The following PLEKHD1 variants were observed in gnomAD, a reference collection of about 807,000 sequenced individuals.
PLEKHD1 encodes pleckstrin homology and coiled-coil domain containing D1, also known as pleckstrin homology domain-containing family D member 1.
Under a neutral mutation model 69.2 loss-of-function variants are expected in PLEKHD1, and 51 were observed. The ratio of observed to expected loss-of-function variants is 0.74; its 90% confidence interval spans 0.59 to 0.93. The LOEUF is 0.93. PLEKHD1 is among the 40% of genes least tolerant of loss of function. The pLI is 0.00. For missense variants in PLEKHD1, 584 were observed against 641.0 expected (o/e 0.91, Z 0.96); for synonymous variants, 236 against 244.7 (o/e 0.96, Z 0.33).
At position 69,512,902 on chromosome 14, in the gene PLEKHD1, A is replaced by G. The variant is rs1421995897; in HGVS notation, c.556-9381A>G. 2.0e-5 allele frequency among the ~76,000 whole-genome samples: 3 copies of G among 152,078 alleles called. No individual in the cohort carries two copies. In the East Asian group the frequency reaches 5.8e-4, roughly 29 times the overall value. ...CACAGCAAGGCCCAGTCTCTAAGAA[A>G]AAAAAAAAAGAGAGAGAGAGAAAGA... On this transcript the variant is annotated intron_variant, in intron 6 of 12. Transcript: ENST00000322564.
chr14:69,489,438 A>G (rs184632101), intron 1 of PLEKHD1, among the ~76,000 whole-genome samples: 1 of 151,482 alleles, frequency 6.6e-6, no homozygotes. Context: ...GGGTGCCTGT[A>G]ATCCCAGCTA....
intron 6 of PLEKHD1, among the ~76,000 whole-genome samples, chr14:69,506,475 A>T (rs1037450574): frequency 6.6e-6 from 1 of 152,226 alleles, no homozygotes. Flanking sequence ...CTCAGGCTAC[A>T]CTTGGACACT....
intron 1 of PLEKHD1, among the ~76,000 whole-genome samples, chr14:69,498,588 T>C (rs909940781): frequency 5.5e-5 from 6 of 108,704 alleles, no homozygotes; most frequent in East Asian, 6.4e-4. Context: ...TTCTTTTTGT[T>C]TTCTCTTCTC....
chr14:69,514,563 A>G (rs761087097), intron 6 of PLEKHD1, among the ~76,000 whole-genome samples: 3 of 151,988 alleles, frequency 2.0e-5, no homozygotes, highest in Non-Finnish European at 4.4e-5. Flanking sequence ...TTCCTGCCAT[A>G]TCTAATCTGG....
chr14:69,488,128 G>T (rs1005394028), intron 1 of PLEKHD1, among the ~76,000 whole-genome samples: 3 of 152,162 alleles, frequency 2.0e-5, no homozygotes, highest in Non-Finnish European at 4.4e-5. Context: ...CCCTGACTTA[G>T]GGAGCTAAGA....
chr14:69,499,878 A>T (rs1014198126), intron 1 of PLEKHD1, among the ~76,000 whole-genome samples: 1 of 152,138 alleles, frequency 6.6e-6, no homozygotes, highest in Non-Finnish European at 1.5e-5. Context: ...CCTGGAAGCC[A>T]GTAGTGGGGC....
chr14:69,471,079 C>A, the PLEKHD1 span, among the ~76,000 whole-genome samples: 1 of 144,196 alleles, frequency 6.9e-6, no homozygotes, highest in Non-Finnish European at 1.5e-5. Flanking sequence ...GCGTGAGCCA[C>A]CGTGCCTGGC....
intron 3 of PLEKHD1, 81 bp from the exon 4 acceptor site, chr14:69,500,790 G>A (rs1883006857): frequency 1.3e-6 from 2 of 1,529,246 alleles, no homozygotes; most frequent in East Asian, 2.4e-5. Flanking sequence ...GATGTGGGGT[G>A]GGTGACAGGG....
rs1240378307 is a variant in PLEKHD1 at position 69,529,965 on chromosome 14, C to T, written c.*1546C>T. The stretch of plus-strand genomic sequence containing the variant: ...GCCCACCCTCCAAAGCTACCTGAGG[C>T]TATTGGCCTCCAGAAAAGGGGTCCA... On this transcript the variant is annotated 3_prime_UTR_variant, in exon 13 of 13. Coordinates refer to ENST00000322564, the MANE Select transcript of PLEKHD1 (RefSeq NM_001161498.2). The T allele has an allele frequency of 6.6e-6, 1 of 152,334 alleles. No homozygotes were observed. The highest frequency in any genetic ancestry group is 1.5e-5 in the Non-Finnish European group (1 of 68,114). 9.4% of individuals were successfully genotyped at this position (152,334 alleles called of 1,614,324 possible). A position where few individuals can be genotyped will look rare whatever the true frequency, so the allele number is the denominator to read the frequency against.
At chr14:69,496,702 A>ATTTTTTT (rs375368521) in intron 1 of PLEKHD1, among the ~76,000 whole-genome samples, 2,224 of 112,804 alleles carry the variant, frequency 0.02, 45 homozygotes, top group South Asian at 0.071. Flanking sequence ...TGCCCAGCTA[A>ATTTTTTT]TTTTTTTTTT....
the PLEKHD1 span, among the ~76,000 whole-genome samples, chr14:69,472,704 A>G: frequency 1.3e-5 from 2 of 152,222 alleles, no homozygotes; most frequent in Admixed American, 1.3e-4. Flanking sequence ...TTTGTAGCCT[A>G]GGAGCAATAG....
intron 6 of PLEKHD1, among the ~76,000 whole-genome samples, chr14:69,505,298 G>T (rs974725293): frequency 9.2e-5 from 14 of 152,176 alleles, no homozygotes; most frequent in African/African-American, 3.1e-4. Flanking sequence ...TCTAGTCTTT[G>T]CCACTGAGTC....
intron 1 of PLEKHD1, among the ~76,000 whole-genome samples, chr14:69,495,947 C>G (rs1269057019): frequency 6.6e-6 from 1 of 152,236 alleles, no homozygotes; most frequent in African/African-American, 2.4e-5. Flanking sequence ...AGTGTAAGCT[C>G]TAAGGAGACA....
intron 2 of PLEKHD1, 21 bp from the exon 3 acceptor site, chr14:69,500,556 C>T (rs1378496414): frequency 3.9e-6 from 6 of 1,537,850 alleles, no homozygotes; most frequent in Non-Finnish European, 4.4e-6. Context: ...GTGGGGGCTG[C>T]CTGTTCTGGT....
chr14:69,519,409 C>A (rs1004304458), intron 6 of PLEKHD1, among the ~76,000 whole-genome samples: 3 of 152,032 alleles, frequency 2.0e-5, no homozygotes, highest in African/African-American at 7.2e-5. Flanking sequence ...TGCTTTGACC[C>A]TGGAGGGTTC....
upstream of PLEKHD1, among the ~76,000 whole-genome samples, chr14:69,479,795 C>T (rs1882510693): frequency 1.3e-5 from 2 of 152,130 alleles, no homozygotes; most frequent in Admixed American, 6.6e-5. Context: ...CTTATGTTAA[C>T]ACTAGAAGCA....
chr14:69,522,525 T>A, intron 7 of PLEKHD1, 148 bp downstream of exon 7: 1 of 801,940 alleles, frequency 1.2e-6, no homozygotes, highest in Non-Finnish European at 2.0e-6. Flanking sequence ...GAGTCTGTCC[T>A]CCAAGGCTCC....
chr14:69,493,681 T>G (rs1882825220), intron 1 of PLEKHD1, among the ~76,000 whole-genome samples: 2 of 152,234 alleles, frequency 1.3e-5, no homozygotes, highest in Admixed American at 1.3e-4. Flanking sequence ...ATTACCTTCT[T>G]AACTCGGCTC....
rs75647798 is a variant in PLEKHD1, at chr14:69,487,740, T to C, written c.149+2626T>C. Among the ~76,000 whole-genome samples, 714 of 152,230 alleles carry C rather than the reference T, an allele frequency of 4.7e-3. 8 individuals are homozygous for C. The highest frequency in any genetic ancestry group is 0.017 in the African/African-American group (693 of 41,540). ...CAGAGATCAGATAATCTGGGAGAGA[T>C]GTCTAGAAGGGAAGGCTGTTGACTG... is the stretch of plus-strand genomic sequence containing the variant. On this transcript the variant is annotated intron_variant, in intron 1 of 12. Coordinates refer to ENST00000322564, the MANE Select transcript of PLEKHD1 (RefSeq NM_001161498.2).
Sources: allele counts gnomAD v4.1 joint callset (sites outside exome capture counted in the v4.1 genomes callset), GRCh38; gene constraint gnomAD v4.1.1; transcripts MANE v1.5; gene names NCBI Gene and HGNC (gene_info 2026-07-23, HGNC 2026-07-21).